Variants in CLASRP observed in about 807,000 individuals in gnomAD.
CLASRP encodes CLK4 associating serine/arginine rich protein.
Under a neutral mutation model 99.9 loss-of-function variants are expected in CLASRP, and 52 were observed. The observed-to-expected ratio is 0.52, with a 90% CI of 0.42 to 0.66. CLASRP has a LOEUF of 0.66. CLASRP is among the 30% of genes least tolerant of loss of function. The probability of loss-of-function intolerance (pLI) is 0.00; values close to 1 mark genes in which losing one functional copy is unlikely to be tolerated. For missense variants in CLASRP, 848 were observed against 999.2 expected (o/e 0.85, Z 2.04); for synonymous variants, 379 against 373.0 (o/e 1.02, Z -0.18).
At chr19:45,070,778 A>AC in intron 20 of CLASRP, 25 bp from the exon 21 acceptor site, 1 of 1,549,364 alleles carries the variant, frequency 6.5e-7, no homozygotes, top group Non-Finnish European at 8.8e-7. Context: ...CCCCATCCTC[A>AC]CGGCCCCTCC....
intron 3 of CLASRP, among the ~76,000 whole-genome samples, chr19:45,052,455 G>C (rs1029586162): frequency 6.6e-6 from 1 of 152,190 alleles, no homozygotes; most frequent in Non-Finnish European, 1.5e-5. Flanking sequence ...CCAGACCCGA[G>C]CTGGCTCAGG....
At chr19:45,044,818 A>G (rs754902755) in intron 2 of CLASRP, among the ~76,000 whole-genome samples, 1 of 152,192 alleles carries the variant, frequency 6.6e-6, no homozygotes, top group African/African-American at 2.4e-5. Flanking sequence ...GTGAGATCCC[A>G]TCATGGTTAG....
chr19:45,060,266 AAAGAT>A lies in CLASRP; in HGVS notation c.711-121_711-117del. 1 of 796,308 alleles carries A rather than the reference AAAGAT, an allele frequency of 1.3e-6. No individual in the cohort carries two copies. The highest frequency in any genetic ancestry group is 2.2e-6 in the Non-Finnish European group (1 of 463,894). 49.3% of individuals were successfully genotyped at this position (796,308 alleles called of 1,614,324 possible). ...GGTGCTTGATAAGTGGCATTGAATG[AAAGAT>A]ACCTCAGGCTGGCGTGGGGTGACTC... On this transcript the variant is annotated intron_variant, in intron 8 of 20. Coordinates refer to ENST00000221455, the MANE Select transcript of CLASRP (RefSeq NM_007056.3). The surrounding 1 kb of genome is among the most constrained non-coding windows in gnomAD (Gnocchi z 4.6).
At position 45,061,257 on chromosome 19, in the gene CLASRP, G is replaced by A. The variant is rs545693735; in HGVS notation, c.863+630G>A. Among the ~76,000 whole-genome samples the A allele has an allele frequency of 4.6e-5, 7 of 152,278 alleles. No individual in the cohort carries two copies. In the East Asian group the frequency reaches 1.4e-3, roughly 29 times the overall value. ...TAAACAACTTGTAGGTTCAGCGGTT[G>A]GTATCGGAAACATTCCTTAAAGAAT... On this transcript the variant is annotated intron_variant, in intron 10 of 20. Transcript: ENST00000221455.
intron 6 of CLASRP, 149 bp from the exon 7 acceptor site, chr19:45,057,601 G>T: frequency 2.4e-6 from 2 of 825,004 alleles, no homozygotes; most frequent in Admixed American, 2.5e-5. Context: ...GAAGAGGGAG[G>T]AGCTGGGTGT....
At chr19:45,051,791 A>G (rs1972027862) in intron 2 of CLASRP, among the ~76,000 whole-genome samples, 1 of 151,944 alleles carries the variant, frequency 6.6e-6, no homozygotes, top group African/African-American at 2.4e-5. Flanking sequence ...ACACAGTGAA[A>G]CCCTGTCTCT....
chr19:45,059,956 G>GCCTGGGCCAGCC (rs56805880), intron 8 of CLASRP, among the ~76,000 whole-genome samples: 6 of 151,722 alleles, frequency 4.0e-5, no homozygotes, highest in African/African-American at 1.4e-4. Flanking sequence ...AAGTGCAGAG[G>GCCTGGGCCAGCC]CCTGGGCCAG....
intron 11 of CLASRP, among the ~76,000 whole-genome samples, chr19:45,063,425 G>C (rs1278413780): frequency 1.1e-5 from 1 of 91,622 alleles, no homozygotes; most frequent in Non-Finnish European, 2.5e-5. Flanking sequence ...TTTGTACAGA[G>C]ATCTGCTTAT....
At chr19:45,064,773 T>G in intron 13 of CLASRP, 143 bp downstream of exon 13, 3 of 1,408,286 alleles carry the variant, frequency 2.1e-6, no homozygotes, top group Non-Finnish European at 2.8e-6. Context: ...GCCACTGCTC[T>G]TCCGCAGGAA....
intron 5 of CLASRP, among the ~76,000 whole-genome samples, chr19:45,054,314 A>G (rs988038427): frequency 6.6e-6 from 1 of 152,058 alleles, no homozygotes; most frequent in African/African-American, 2.4e-5. Flanking sequence ...CAGTGGCGCA[A>G]TCTCAGCTCA....
intron 1 of CLASRP, 199 bp from the exon 2 acceptor site, chr19:45,039,985 A>G: frequency 2.4e-6 from 1 of 418,110 alleles, no homozygotes; most frequent in East Asian, 4.2e-5. Context: ...GTTTTTCAGA[A>G]TGCCCAAGCT....
At chr19:45,045,254 G>A (rs147198738) in intron 2 of CLASRP, among the ~76,000 whole-genome samples, 29 of 152,322 alleles carry the variant, frequency 1.9e-4, no homozygotes, top group Admixed American at 3.9e-4. Flanking sequence ...AGTGGCTCAC[G>A]CCTGTAATCC....
chr19:45,070,320 C>CA (rs1429362207), intron 19 of CLASRP, among the ~76,000 whole-genome samples: 21 of 152,252 alleles, frequency 1.4e-4, no homozygotes, highest in African/African-American at 5.1e-4. Context: ...CACACACACA[C>CA]AGATTGCTTT....
intron 2 of CLASRP, among the ~76,000 whole-genome samples, chr19:45,041,390 C>T (rs1284875808): frequency 1.3e-5 from 2 of 152,150 alleles, no homozygotes; most frequent in Non-Finnish European, 2.9e-5. Context: ...GCTTCATACT[C>T]GGACAGCTCC....
chr19:45,052,406 G>A (rs1972041604), intron 3 of CLASRP, among the ~76,000 whole-genome samples: 1 of 152,186 alleles, frequency 6.6e-6, no homozygotes, highest in Non-Finnish European at 1.5e-5. Context: ...AATGGGTGGA[G>A]CCAGGGCCAG....
At chr19:45,056,671 A>G (rs905693972) in intron 6 of CLASRP, 137 bp downstream of exon 6, 29 of 712,916 alleles carry the variant, frequency 4.1e-5, no homozygotes, top group Non-Finnish European at 6.0e-5. Flanking sequence ...TCAGTGCTCA[A>G]TTAATAACTG....
Position 45,064,996 on chromosome 19 carries a change from C to T in CLASRP, c.1409+366C>T, listed in dbSNP as rs369225708. 3.4e-3 allele frequency among the ~76,000 whole-genome samples: 513 copies of T among 151,926 alleles called. 2 individuals are homozygous for T. The highest frequency in any genetic ancestry group is 0.012 in the African/African-American group (487 of 41,438). On this transcript the variant is annotated intron_variant, in intron 13 of 20. Transcript: ENST00000221455. ...CAGGGTTTTCTGTAGCTTGAAGGGA[C>T]GGGTCCGGGCCTTGAGGGCTGGGAA...
chr19:45,063,870 C>A, intron 11 of CLASRP, 142 bp from the exon 12 acceptor site: 2 of 1,148,504 alleles, frequency 1.7e-6, no homozygotes, highest in Non-Finnish European at 2.4e-6. Context: ...TGGGTCTCCA[C>A]TGCCCTCCAG....
chr19:45,042,763 T>C (rs1309182146), intron 2 of CLASRP, among the ~76,000 whole-genome samples: 3 of 152,042 alleles, frequency 2.0e-5, no homozygotes, highest in Non-Finnish European at 4.4e-5. Context: ...ATTACAGGCA[T>C]GTGCCACTAT....
Sources: allele counts gnomAD v4.1 joint callset (sites outside exome capture counted in the v4.1 genomes callset), GRCh38; gene constraint gnomAD v4.1.1; non-coding constraint Gnocchi (gnomAD v3.1); transcripts MANE v1.5; gene names NCBI Gene and HGNC (gene_info 2026-07-23, HGNC 2026-07-21).